Variants in OSBPL10 observed in about 807,000 individuals in gnomAD.
OSBPL10 encodes oxysterol-binding protein-related protein 10.
In OSBPL10, 49 loss-of-function variants were observed where a neutral mutation model predicts 81.7. The ratio of observed to expected loss-of-function variants is 0.60; its 90% CI spans 0.48 to 0.76. OSBPL10 has a LOEUF of 0.76. Among genes scored for constraint, OSBPL10 ranks in the 30% least tolerant of loss-of-function variants. OSBPL10 has a pLI of 0.00. For synonymous variants in OSBPL10, 419 were observed against 383.6 expected (o/e 1.09, Z -1.08); for missense variants, 923 against 987.8 (o/e 0.93, Z 0.88).
chr3:31,905,050 G>C (rs1360348585), intron 1 of OSBPL10, among the ~76,000 whole-genome samples: 2 of 152,210 alleles, frequency 1.3e-5, no homozygotes, highest in Non-Finnish European at 2.9e-5. Flanking sequence ...CAATGAGGGT[G>C]AAGTAAGTTA....
rs1326402811 is a variant in OSBPL10 at position 31,837,184 on chromosome 3, A to G, written c.538-6953T>C. Among the ~76,000 whole-genome samples the G allele has an allele frequency of 5.9e-5, 9 of 152,124 alleles. No individual in the cohort carries two copies. The East Asian group carries it at 9.7e-4, about 16-fold the overall frequency. ...TAAAATAGTTGATAGAAAGGAGGAA[A>G]GCTGATAACTGTTACACATTTTTAT... On this transcript the variant is annotated intron_variant, in intron 3 of 11. Transcript: ENST00000396556.
chr3:31,698,014 G>A (rs1220265808), intron 7 of OSBPL10, among the ~76,000 whole-genome samples: 1 of 151,548 alleles, frequency 6.6e-6, no homozygotes, highest in African/African-American at 2.4e-5. Flanking sequence ...CACCCACCTC[G>A]GCCTCCCAAA....
At chr3:31,705,253 C>T (rs1182763661) in intron 6 of OSBPL10, among the ~76,000 whole-genome samples, 1 of 152,180 alleles carries the variant, frequency 6.6e-6, no homozygotes, top group African/African-American at 2.4e-5. Context: ...ATTCTCCTAC[C>T]CAGCCTCAAG....
At chr3:31,771,806 G>A (rs935517439) in intron 4 of OSBPL10, among the ~76,000 whole-genome samples, 1 of 152,160 alleles carries the variant, frequency 6.6e-6, no homozygotes, top group South Asian at 2.1e-4. Flanking sequence ...TTGGTCTGAC[G>A]ATATTTTCCC....
chr3:32,052,750 C>T (rs1348846332), intron 1 of OSBPL10, among the ~76,000 whole-genome samples: 1 of 151,724 alleles, frequency 6.6e-6, no homozygotes, highest in African/African-American at 2.4e-5. Flanking sequence ...GGGAGTTGAA[C>T]AATGAGATCA....
intron 6 of OSBPL10, among the ~76,000 whole-genome samples, chr3:31,717,385 C>G (rs10865835): frequency 0.35 from 53,306 of 152,006 alleles, 9,809 homozygotes; most frequent in East Asian, 0.59. Flanking sequence ...AGGTCTTATT[C>G]TTTTTATTTT....
At chr3:32,021,872 G>T (rs1699365944) in intron 2 of OSBPL10, among the ~76,000 whole-genome samples, 1 of 151,942 alleles carries the variant, frequency 6.6e-6, no homozygotes. Context: ...TCAGCTACTA[G>T]GGAGGCTGAG....
At chr3:31,830,466 T>C (rs529712402) in intron 3 of OSBPL10, among the ~76,000 whole-genome samples, 20 of 152,276 alleles carry the variant, frequency 1.3e-4, no homozygotes, top group South Asian at 4.2e-4. Context: ...TCCTACGCTA[T>C]GGCCATGAAC....
intron 1 of OSBPL10, among the ~76,000 whole-genome samples, chr3:31,960,956 A>C (rs1309580733): frequency 6.6e-6 from 1 of 152,076 alleles, no homozygotes; most frequent in Non-Finnish European, 1.5e-5. Flanking sequence ...TTGAACCTCA[A>C]AGCTGCCCAA....
chr3:32,037,200 C>A (rs1699528253), intron 2 of OSBPL10, among the ~76,000 whole-genome samples: 1 of 152,204 alleles, frequency 6.6e-6, no homozygotes, highest in Admixed American at 6.5e-5. Flanking sequence ...TGCGGGCTCA[C>A]TGGGAGAGCT....
chr3:31,792,776 T>TGTGTGTGTG, intron 4 of OSBPL10, among the ~76,000 whole-genome samples: 1 of 130,602 alleles, frequency 7.7e-6, no homozygotes, highest in South Asian at 2.5e-4. Context: ...TGTGTGTGTG[T>TGTGTGTGTG]AAAAATTCTC....
In OSBPL10 at chr3:31,920,579, C is replaced by T. The variant is rs140224368; in HGVS notation, c.282-40749G>A. Among the ~76,000 whole-genome samples, 156 of 152,262 alleles carry T rather than the reference C, an allele frequency of 1.0e-3. 1 individual carries two copies. The highest frequency in any genetic ancestry group is 6.8e-3 in the Middle Eastern group (2 of 294). The stretch of plus-strand genomic sequence containing the variant: ...GCTACACATGTGTACTGGAACTAAA[C>T]AATTAAGTAGATGGATGGTAGATGG... On this transcript the variant is annotated intron_variant, in intron 1 of 11. Transcript: ENST00000396556.
intron 1 of OSBPL10, among the ~76,000 whole-genome samples, chr3:31,898,035 A>T: frequency 9.8e-6 from 1 of 102,290 alleles, no homozygotes; most frequent in Non-Finnish European, 1.9e-5. Flanking sequence ...AAAAAAAAAA[A>T]AACAGAAGAA....
chr3:31,722,027 A>G (rs745982306), intron 6 of OSBPL10, among the ~76,000 whole-genome samples: 2 of 152,170 alleles, frequency 1.3e-5, no homozygotes, highest in Non-Finnish European at 2.9e-5. Context: ...CCCCCATATC[A>G]TGAAACAGCT....
intron 3 of OSBPL10, among the ~76,000 whole-genome samples, chr3:31,831,012 A>C (rs1311544616): frequency 6.6e-6 from 1 of 152,228 alleles, no homozygotes; most frequent in African/African-American, 2.4e-5. Flanking sequence ...TTCATCTCTC[A>C]GATCACAGAT....
intron 2 of OSBPL10, among the ~76,000 whole-genome samples, chr3:31,995,508 T>C (rs1264187761): frequency 1.3e-5 from 2 of 152,216 alleles, no homozygotes; most frequent in Admixed American, 1.3e-4. Flanking sequence ...CTTCCCTTGT[T>C]CCCTAAAATC....
chr3:31,705,271 CA>C (rs953132731), intron 6 of OSBPL10, among the ~76,000 whole-genome samples: 2 of 152,170 alleles, frequency 1.3e-5, no homozygotes, highest in Non-Finnish European at 2.9e-5. Flanking sequence ...AAGTAAATAT[CA>C]GAGTTAAGCT....
At chr3:31,850,600 A>G (rs1575582543) in intron 3 of OSBPL10, among the ~76,000 whole-genome samples, 1 of 152,006 alleles carries the variant, frequency 6.6e-6, no homozygotes, top group Non-Finnish European at 1.5e-5. Flanking sequence ...GAAAAATTTC[A>G]CTCTCCATAG....
At chr3:31,747,487 T>TAAAAA (rs61150758) in intron 5 of OSBPL10, among the ~76,000 whole-genome samples, 260 of 97,318 alleles carry the variant, frequency 2.7e-3, no homozygotes, top group African/African-American at 3.3e-3. Flanking sequence ...AATCTTCAAA[T>TAAAAA]AAAAAAAAAA....
Sources: allele counts gnomAD v4.1 joint callset (sites outside exome capture counted in the v4.1 genomes callset), GRCh38; gene constraint gnomAD v4.1.1; transcripts MANE v1.5; gene names NCBI Gene and HGNC (gene_info 2026-07-23, HGNC 2026-07-21).